The following PLCL2 variants were observed in gnomAD, a reference collection of about 807,000 sequenced individuals.
PLCL2 encodes inactive phospholipase C-like protein 2.
Under a neutral mutation model 79.6 loss-of-function variants are expected in PLCL2, and 4 were observed. That is an observed-to-expected ratio of 0.05 (90% CI 0.02 to 0.11). PLCL2 has a LOEUF of 0.11. Ranked by LOEUF, PLCL2 falls within the 10% of genes least tolerant of loss-of-function variation. PLCL2 has a pLI of 1.00. For missense variants in PLCL2, 895 were observed against 1,291.0 expected (o/e 0.69, Z 4.70); for synonymous variants, 484 against 457.7 (o/e 1.06, Z -0.73).
At chr3:16,971,674 C>T (rs998623458) in intron 1 of PLCL2, among the ~76,000 whole-genome samples, 5 of 152,108 alleles carry the variant, frequency 3.3e-5, no homozygotes, top group East Asian at 1.9e-4. Context: ...ATTCTTCCTA[C>T]CCATGAGCAT....
At chr3:16,978,781 G>C (rs2063951366) in intron 1 of PLCL2, among the ~76,000 whole-genome samples, 1 of 152,230 alleles carries the variant, frequency 6.6e-6, no homozygotes, top group African/African-American at 2.4e-5. Context: ...AATTTTATAT[G>C]TTGGAACCTT....
At chr3:17,044,430 T>C (rs1022331762) in intron 4 of PLCL2, among the ~76,000 whole-genome samples, 4 of 152,222 alleles carry the variant, frequency 2.6e-5, no homozygotes, top group East Asian at 1.9e-4. Flanking sequence ...CCTTTCAAGA[T>C]TCCAGGATTT....
chr3:16,968,858 C>T (rs1173370428), intron 1 of PLCL2, among the ~76,000 whole-genome samples: 1 of 152,110 alleles, frequency 6.6e-6, no homozygotes, highest in Non-Finnish European at 1.5e-5. Context: ...AGCTTTTGCC[C>T]ATTCAGTATG....
At chr3:16,971,371 G>A (rs1216111751) in intron 1 of PLCL2, among the ~76,000 whole-genome samples, 2 of 152,094 alleles carry the variant, frequency 1.3e-5, no homozygotes, top group African/African-American at 4.8e-5. Context: ...TCAGATATTT[G>A]TAGATATGCA....
intron 3 of PLCL2, among the ~76,000 whole-genome samples, chr3:17,040,267 G>C (rs1443634837): frequency 1.3e-5 from 2 of 152,218 alleles, no homozygotes; most frequent in Non-Finnish European, 2.9e-5. Context: ...AGTTTAGGAG[G>C]CAGATGAGCT....
chr3:17,063,749 A>C (rs1231714291), intron 4 of PLCL2, among the ~76,000 whole-genome samples: 1 of 152,184 alleles, frequency 6.6e-6, no homozygotes, highest in African/African-American at 2.4e-5. Flanking sequence ...AACTGCAGTC[A>C]CAGGTTCACA....
intron 3 of PLCL2, among the ~76,000 whole-genome samples, chr3:17,028,989 C>T (rs922437842): frequency 7.9e-5 from 12 of 152,162 alleles, no homozygotes; most frequent in Admixed American, 7.2e-4. Context: ...CTGTATTCCC[C>T]GAACTTGATT....
chr3:17,052,418 T>C (rs959348865), intron 4 of PLCL2, among the ~76,000 whole-genome samples: 2 of 151,956 alleles, frequency 1.3e-5, no homozygotes, highest in Non-Finnish European at 2.9e-5. Flanking sequence ...CCCAAACAAA[T>C]TGATATCAGA....
chr3:17,044,580 A>G (rs973696613), intron 4 of PLCL2, among the ~76,000 whole-genome samples: 1 of 152,228 alleles, frequency 6.6e-6, no homozygotes, highest in Non-Finnish European at 1.5e-5. Flanking sequence ...CTAAGATTAT[A>G]TATCAAGCTG....
At position 16,959,111 on chromosome 3, in the gene PLCL2, G is replaced by A. The variant is rs148147017; in HGVS notation, c.328-50563G>A. Among the ~76,000 whole-genome samples the A allele has an allele frequency of 4.4e-3, 666 of 152,256 alleles. 4 individuals carry two copies. The highest frequency in any genetic ancestry group is 7.1e-3 in the Non-Finnish European group (484 of 68,010). ...TTTGACAGTGTCTCCCTTTTCCACT[G>A]CAGCTCCTGCTTCCACATTTATCCT... On this transcript the variant is annotated intron_variant, in intron 1 of 5. Transcript: ENST00000615277.
chr3:16,965,609 G>A (rs564402789), intron 1 of PLCL2, among the ~76,000 whole-genome samples: 1 of 152,026 alleles, frequency 6.6e-6, no homozygotes, highest in Admixed American at 6.5e-5. Flanking sequence ...AATTACCTTG[G>A]GCAGTATGGC....
intron 1 of PLCL2, among the ~76,000 whole-genome samples, chr3:16,999,631 G>A (rs904629870): frequency 1.3e-5 from 2 of 152,178 alleles, no homozygotes; most frequent in African/African-American, 4.8e-5. Context: ...AGGACATGCA[G>A]TGCTAGCTCA....
chr3:17,005,372 C>G (rs2064251345), intron 1 of PLCL2, among the ~76,000 whole-genome samples: 1 of 151,820 alleles, frequency 6.6e-6, no homozygotes, highest in Non-Finnish European at 1.5e-5. Context: ...ATTCCTTATC[C>G]CGTTTCAGGA....
chr3:17,056,377 C>A (rs1194291216), intron 4 of PLCL2, among the ~76,000 whole-genome samples: 1 of 151,924 alleles, frequency 6.6e-6, no homozygotes, highest in Non-Finnish European at 1.5e-5. Context: ...AGTGATTTGG[C>A]CCAGATTATC....
chr3:16,943,883 C>T (rs2063578071), intron 1 of PLCL2, among the ~76,000 whole-genome samples: 1 of 152,120 alleles, frequency 6.6e-6, no homozygotes, highest in Non-Finnish European at 1.5e-5. Context: ...AACTTAATCA[C>T]CCTTTGGATC....
chr3:16,964,015 AATTATT>A (rs1183202288), intron 1 of PLCL2, among the ~76,000 whole-genome samples: 1 of 151,930 alleles, frequency 6.6e-6, no homozygotes, highest in Non-Finnish European at 1.5e-5. Context: ...AGGATTAGCA[AATTATT>A]ATTATTATTA....
rs533847045 is a variant in PLCL2 at position 16,890,291 on chromosome 3, A to G, written c.327+4925A>G. Among the ~76,000 whole-genome samples, 3 of 152,322 alleles carry G rather than the reference A, an allele frequency of 2.0e-5. No individual in the cohort carries two copies. The East Asian group carries it at 5.8e-4, about 29-fold the overall frequency. Reference sequence around the variant, plus strand: ...TGTTTTTCATCAAATCCAAATAGGCAACTGACAGGAAATTGTTTATTTTAT... The same window carrying G: ...TGTTTTTCATCAAATCCAAATAGGCGACTGACAGGAAATTGTTTATTTTAT... On this transcript the variant is annotated intron_variant, in intron 1 of 5. Transcript: ENST00000615277.
intron 1 of PLCL2, among the ~76,000 whole-genome samples, chr3:16,893,247 T>G (rs1696393010): frequency 6.6e-6 from 1 of 152,216 alleles, no homozygotes; most frequent in African/African-American, 2.4e-5. Flanking sequence ...TCCATTTTTA[T>G]TTCTTTTTTA....
At chr3:17,083,105 C>G (rs886897731) in intron 5 of PLCL2, among the ~76,000 whole-genome samples, 1 of 151,888 alleles carries the variant, frequency 6.6e-6, no homozygotes, top group African/African-American at 2.4e-5. Context: ...GTGGAAGAGA[C>G]AGACAATAAA....
Sources: gnomAD v4.1 joint callset for allele counts (sites outside exome capture counted in the v4.1 genomes callset) on GRCh38, gnomAD v4.1.1 for gene constraint, MANE v1.5 for transcripts, NCBI Gene and HGNC (gene_info 2026-07-23, HGNC 2026-07-21) for gene names.